The following VPS35L variants were observed in gnomAD, a reference collection of about 807,000 sequenced individuals.
VPS35L encodes VPS35 endosomal protein sorting factor like.
VPS35L carries 83 observed loss-of-function variants against 133.0 expected under a neutral mutation model. The ratio of observed to expected loss-of-function variants is 0.62; its 90% CI spans 0.52 to 0.75. VPS35L has a LOEUF of 0.75. Among genes scored for constraint, VPS35L ranks in the 30% least tolerant of loss-of-function variants. The pLI is 0.00. For missense variants in VPS35L, 1,083 were observed against 1,206.8 expected (o/e 0.90, Z 1.52); for synonymous variants, 423 against 449.9 (o/e 0.94, Z 0.76).
chr16:19,696,391 G>A (rs113565960), intron 29 of VPS35L, among the ~76,000 whole-genome samples: 2,937 of 152,192 alleles, frequency 0.019, 76 homozygotes, highest in African/African-American at 0.066. Context: ...GAATCATATC[G>A]CAGCTCTGGT....
chr16:19,566,229 C>T (rs1434338740), intron 2 of VPS35L, among the ~76,000 whole-genome samples: 1 of 152,176 alleles, frequency 6.6e-6, no homozygotes, highest in Non-Finnish European at 1.5e-5. Flanking sequence ...GGCTCCATGC[C>T]TCACACCCGT....
At chr16:19,611,685 GA>G (rs1232693365) in intron 12 of VPS35L, 2 of 152,034 alleles carry the variant, frequency 1.3e-5, no homozygotes, top group Non-Finnish European at 2.9e-5. Flanking sequence ...GAGAATGAAA[GA>G]AAAAGCCTTT....
chr16:19,595,131 G>A (rs115842385), intron 8 of VPS35L, among the ~76,000 whole-genome samples: 3,864 of 152,276 alleles, frequency 0.025, 174 homozygotes, highest in African/African-American at 0.089. Flanking sequence ...GGGCCACTGG[G>A]AGGACTTGGG....
intron 9 of VPS35L, among the ~76,000 whole-genome samples, chr16:19,604,157 A>T (rs1363442805): frequency 2.1e-5 from 3 of 141,166 alleles, no homozygotes; most frequent in Non-Finnish European, 3.0e-5. Flanking sequence ...AACAGCATTT[A>T]AAAAAAAATG....
intron 12 of VPS35L, 146 bp from the exon 13 acceptor site, chr16:19,615,968 A>AAATAAT (rs10683142): frequency 0.017 from 4,270 of 254,984 alleles, 104 homozygotes; most frequent in African/African-American, 0.063. Context: ...CTCCATCTCA[A>AAATAAT]AATAATAATA....
chr16:19,598,994 G>T (rs1972299503), intron 8 of VPS35L, among the ~76,000 whole-genome samples: 1 of 152,126 alleles, frequency 6.6e-6, no homozygotes, highest in Admixed American at 6.5e-5. Flanking sequence ...CATCCCTAAT[G>T]CCAGGGTTCT....
intron 28 of VPS35L, among the ~76,000 whole-genome samples, chr16:19,688,367 G>A (rs1975536937): frequency 6.6e-6 from 1 of 152,092 alleles, no homozygotes; most frequent in Non-Finnish European, 1.5e-5. Flanking sequence ...CTTTCAATGG[G>A]GCGAGAAAAG....
chr16:19,575,394 C>T (rs1312514249), intron 5 of VPS35L, among the ~76,000 whole-genome samples: 2 of 151,718 alleles, frequency 1.3e-5, no homozygotes, highest in African/African-American at 4.8e-5. Flanking sequence ...GGTGAAATCT[C>T]GTCTCTATTA....
intron 24 of VPS35L, among the ~76,000 whole-genome samples, chr16:19,649,242 C>T (rs1429203468): frequency 6.6e-6 from 1 of 152,078 alleles, no homozygotes; most frequent in African/African-American, 2.4e-5. Context: ...CCACCTGCCT[C>T]GGCGTCCCAA....
chr16:19,610,079 A>G lies in VPS35L; in HGVS notation c.930-243A>G, dbSNP rs537731721. On this transcript the variant is annotated intron_variant, in intron 11 of 30. Coordinates refer to ENST00000417362, the MANE Select transcript of VPS35L (RefSeq NM_020314.7). ...CCTCGACTGGGGAAAAAATGTGGTT[A>G]GCCTCCACCACTGAGCAAATGATAA... Among the ~76,000 whole-genome samples, 3 of 152,316 alleles carry G rather than the reference A, an allele frequency of 2.0e-5. No homozygotes were observed. In the East Asian group the frequency reaches 5.8e-4, roughly 29 times the overall value.
chr16:19,684,735 G>A (rs181848787), intron 28 of VPS35L, among the ~76,000 whole-genome samples: 29 of 152,286 alleles, frequency 1.9e-4, no homozygotes, highest in East Asian at 1.7e-3. Flanking sequence ...GTGGTGGGAC[G>A]TGCATTACAC....
intron 26 of VPS35L, among the ~76,000 whole-genome samples, chr16:19,653,080 T>C (rs536881408): frequency 6.6e-6 from 1 of 152,304 alleles, no homozygotes; most frequent in Admixed American, 6.5e-5. Flanking sequence ...CCAGTGTTTC[T>C]CCATCTGAAG....
At chr16:19,568,445 G>A (rs1171056773) in intron 2 of VPS35L, among the ~76,000 whole-genome samples, 1 of 150,304 alleles carries the variant, frequency 6.7e-6, no homozygotes, top group African/African-American at 2.5e-5. Context: ...GCATAGGCAT[G>A]ATTGATTATT....
At chr16:19,680,243 T>C (rs1288886872) in intron 27 of VPS35L, among the ~76,000 whole-genome samples, 1 of 152,222 alleles carries the variant, frequency 6.6e-6, no homozygotes, top group Non-Finnish European at 1.5e-5. Context: ...GCTATTAATA[T>C]TAGCTGTTGT....
chr16:19,611,219 C>G (rs1486609954), intron 12 of VPS35L, among the ~76,000 whole-genome samples: 1 of 152,106 alleles, frequency 6.6e-6, no homozygotes, highest in East Asian at 1.9e-4. Flanking sequence ...AGGCTGGTCT[C>G]GAACTCCTGA....
At chr16:19,663,015 GATA>G (rs1157465508) in intron 26 of VPS35L, among the ~76,000 whole-genome samples, 1 of 151,734 alleles carries the variant, frequency 6.6e-6, no homozygotes, top group Non-Finnish European at 1.5e-5. Flanking sequence ...TAATTATAAT[GATA>G]ATAATAATAG....
chr16:19,605,282 G>A (rs1319887691), intron 9 of VPS35L, among the ~76,000 whole-genome samples: 1 of 152,108 alleles, frequency 6.6e-6, no homozygotes, highest in African/African-American at 2.4e-5. Flanking sequence ...AAAAATAAGT[G>A]GGAGCTAGAA....
chr16:19,605,157 C>T (rs1000678230), intron 9 of VPS35L, among the ~76,000 whole-genome samples: 6 of 152,084 alleles, frequency 3.9e-5, no homozygotes, highest in South Asian at 4.1e-4. Flanking sequence ...AGAGACCTCT[C>T]GCTGCTAGGG....
chr16:19,591,973 A>T (rs1399524753), intron 8 of VPS35L, 99 bp downstream of exon 8: 4 of 927,446 alleles, frequency 4.3e-6, no homozygotes, highest in Non-Finnish European at 7.0e-6. Flanking sequence ...GCTGTGGTTT[A>T]AGTTATTAAG....
Sources: gnomAD v4.1 joint callset for allele counts (sites outside exome capture counted in the v4.1 genomes callset) on GRCh38, gnomAD v4.1.1 for gene constraint, MANE v1.5 for transcripts, NCBI Gene and HGNC (gene_info 2026-07-23, HGNC 2026-07-21) for gene names.